The following SH3BGRL2 variants were observed in gnomAD, a reference collection of about 807,000 sequenced individuals.
The protein encoded by SH3BGRL2 is SH3 domain-binding glutamic acid-rich-like protein 2.
A neutral mutation model predicts 14.8 loss-of-function variants in SH3BGRL2; 21 were observed. That is an observed-to-expected ratio of 1.42 (90% CI 1.01 to 2.05). The LOEUF (loss-of-function observed/expected upper bound fraction) is 2.05, where lower values mean the gene tolerates loss of function less well. Among genes scored for constraint, SH3BGRL2 ranks in the 30% most tolerant of loss-of-function variants. The pLI, the probability that SH3BGRL2 is intolerant of heterozygous loss-of-function variation, is 0.00. For synonymous variants in SH3BGRL2, 50 were observed against 47.8 expected (o/e 1.05, Z -0.19); for missense variants, 147 against 130.8 (o/e 1.12, Z -0.61).
At chr6:79,593,790 A>C in the SH3BGRL2 span, among the ~76,000 whole-genome samples, 1 of 152,240 alleles carries the variant, frequency 6.6e-6, no homozygotes, top group East Asian at 1.9e-4. Context: ...CAAATCCTTC[A>C]ACAAAAATCT....
the SH3BGRL2 span, among the ~76,000 whole-genome samples, chr6:79,556,774 G>A: frequency 1.3e-5 from 2 of 151,692 alleles, no homozygotes; most frequent in Non-Finnish European, 2.9e-5. Context: ...TATGGTACAT[G>A]GTTTAATTTT....
chr6:79,608,490 T>G, the SH3BGRL2 span, among the ~76,000 whole-genome samples: 1 of 152,240 alleles, frequency 6.6e-6, no homozygotes, highest in African/African-American at 2.4e-5. Context: ...ACAAGAAACG[T>G]GTTTAACTCA....
At chr6:79,575,208 T>A in the SH3BGRL2 span, 1 of 152,196 alleles carries the variant, frequency 6.6e-6, no homozygotes. Flanking sequence ...ATAGTCACCT[T>A]GCTGTATAGT....
chr6:79,687,318 A>G (rs1412524196), intron 2 of SH3BGRL2, among the ~76,000 whole-genome samples: 3 of 152,026 alleles, frequency 2.0e-5, no homozygotes, highest in African/African-American at 4.8e-5. Flanking sequence ...TTAAAATTTT[A>G]TGGCTGGTTC....
chr6:79,578,983 G>A, the SH3BGRL2 span, among the ~76,000 whole-genome samples: 2 of 152,318 alleles, frequency 1.3e-5, no homozygotes, highest in East Asian at 3.9e-4. Flanking sequence ...GAAAACCATG[G>A]TATGAGAACT....
At chr6:79,565,713 C>A in the SH3BGRL2 span, among the ~76,000 whole-genome samples, 2 of 152,220 alleles carry the variant, frequency 1.3e-5, no homozygotes, top group African/African-American at 4.8e-5. Context: ...TGCCTACACA[C>A]ATTTACGAAT....
At chr6:79,580,036 C>A in the SH3BGRL2 span, among the ~76,000 whole-genome samples, 1 of 152,102 alleles carries the variant, frequency 6.6e-6, no homozygotes, top group African/African-American at 2.4e-5. Context: ...CAACAAAGAT[C>A]AAAAGAGACA....
At chr6:79,541,209 C>T in the SH3BGRL2 span, among the ~76,000 whole-genome samples, 5 of 152,088 alleles carry the variant, frequency 3.3e-5, no homozygotes, top group Admixed American at 1.3e-4. Context: ...GCTGAGATCA[C>T]ACCACTGCAC....
chr6:79,624,277 C>A, the SH3BGRL2 span, among the ~76,000 whole-genome samples: 1 of 149,374 alleles, frequency 6.7e-6, no homozygotes, highest in Non-Finnish European at 1.5e-5. Flanking sequence ...TATAGTATAT[C>A]ATATATATAT....
At chr6:79,587,621 T>G in the SH3BGRL2 span, among the ~76,000 whole-genome samples, 1 of 152,254 alleles carries the variant, frequency 6.6e-6, no homozygotes, top group Non-Finnish European at 1.5e-5. Context: ...GGGTATTTGT[T>G]GTATTATATA....
At chr6:79,547,086 T>C in the SH3BGRL2 span, among the ~76,000 whole-genome samples, 1 of 152,152 alleles carries the variant, frequency 6.6e-6, no homozygotes, top group Non-Finnish European at 1.5e-5. Context: ...GAGACTATTC[T>C]CTGTTTCTAG....
chr6:79,543,855 CTTATG>C, the SH3BGRL2 span, among the ~76,000 whole-genome samples: 1 of 152,076 alleles, frequency 6.6e-6, no homozygotes, highest in South Asian at 2.1e-4. Context: ...AAGTTGTCTT[CTTATG>C]TTATTTTTTC....
At chr6:79,677,450 A>G (rs1769907372) in intron 2 of SH3BGRL2, among the ~76,000 whole-genome samples, 1 of 152,124 alleles carries the variant, frequency 6.6e-6, no homozygotes, top group Non-Finnish European at 1.5e-5. Context: ...GGCATGACCA[A>G]TCAGTTTTTT....
At chr6:79,562,680 CT>C in the SH3BGRL2 span, among the ~76,000 whole-genome samples, 1 of 152,166 alleles carries the variant, frequency 6.6e-6, no homozygotes, top group East Asian at 1.9e-4. Flanking sequence ...AGCAGAAGGC[CT>C]TTTCATACTG....
the SH3BGRL2 span, among the ~76,000 whole-genome samples, chr6:79,568,674 A>C: frequency 6.6e-6 from 1 of 152,298 alleles, no homozygotes; most frequent in East Asian, 1.9e-4. Context: ...AGGTGGGTAC[A>C]CAGGAGACTT....
chr6:79,640,487 C>G (rs1052296518), intron 1 of SH3BGRL2, among the ~76,000 whole-genome samples: 3 of 152,198 alleles, frequency 2.0e-5, no homozygotes, highest in African/African-American at 7.2e-5. Context: ...TCCCTACAAA[C>G]TTAGGCACTT....
chr6:79,654,797 G>T (rs1030331118), intron 1 of SH3BGRL2, among the ~76,000 whole-genome samples: 1 of 152,122 alleles, frequency 6.6e-6, no homozygotes, highest in African/African-American at 2.4e-5. Flanking sequence ...TGCTTGAGGG[G>T]GGTGGTGTTA....
intron 2 of SH3BGRL2, among the ~76,000 whole-genome samples, chr6:79,692,366 T>C (rs1171759423): frequency 6.6e-6 from 1 of 152,210 alleles, no homozygotes. Flanking sequence ...TTTAATTAGA[T>C]CCCATTTGTC....
At chr6:79,587,787 C>G in the SH3BGRL2 span, among the ~76,000 whole-genome samples, 1 of 152,164 alleles carries the variant, frequency 6.6e-6, no homozygotes, top group Middle Eastern at 3.4e-3. Flanking sequence ...CTTTGTATAT[C>G]AGAAATGAAG....
Sources: allele counts gnomAD v4.1 joint callset (sites outside exome capture counted in the v4.1 genomes callset), GRCh38; gene constraint gnomAD v4.1.1; transcripts MANE v1.5; gene names NCBI Gene and HGNC (gene_info 2026-07-23, HGNC 2026-07-21).